PDK2: variants seen among roughly 807,000 people sequenced by gnomAD.
PDK2 encodes pyruvate dehydrogenase kinase, isozyme 2.
In PDK2, 34 loss-of-function variants were observed where a neutral mutation model predicts 50.4. The observed-to-expected ratio is 0.68, with a 90% CI of 0.51 to 0.90. The LOEUF (loss-of-function observed/expected upper bound fraction) is 0.90. Among genes scored for constraint, PDK2 ranks in the 40% least tolerant of loss-of-function variants. The pLI is 0.00. For synonymous variants in PDK2, 232 were observed against 216.0 expected (o/e 1.07, Z -0.65); for missense variants, 377 against 544.5 (o/e 0.69, Z 3.06).
intron 1 of PDK2, 143 bp downstream of exon 1, chr17:50,095,696 A>G: frequency 3.5e-6 from 5 of 1,437,266 alleles, no homozygotes; most frequent in Non-Finnish European, 4.6e-6. Flanking sequence ...GGAAAGAGTT[A>G]ATGGGGAAGC....
chr17:50,104,107 C>T (rs201736595), intron 2 of PDK2, among the ~76,000 whole-genome samples: 1 of 152,160 alleles, frequency 6.6e-6, no homozygotes, highest in South Asian at 2.1e-4. Context: ...CCCAAAGGAA[C>T]AAGCCACAGA....
At chr17:50,103,662 C>T (rs1356277241) in intron 2 of PDK2, among the ~76,000 whole-genome samples, 4 of 152,190 alleles carry the variant, frequency 2.6e-5, no homozygotes, top group Non-Finnish European at 5.9e-5. Flanking sequence ...GGGTCCAGAG[C>T]TGGTTCTTTC....
At chr17:50,106,368 A>G (rs1328520106) in intron 4 of PDK2, 10 of 634,878 alleles carry the variant, frequency 1.6e-5, no homozygotes, top group African/African-American at 3.7e-5. Flanking sequence ...ATGTTCAAAA[A>G]CAATTTGTTG....
chr17:50,098,086 C>T (rs1025246254), intron 2 of PDK2, among the ~76,000 whole-genome samples: 4 of 152,186 alleles, frequency 2.6e-5, no homozygotes, highest in African/African-American at 9.7e-5. Context: ...AAAGACCAAA[C>T]GTTTATTGCG....
intron 4 of PDK2, 38 bp downstream of exon 4, chr17:50,106,107 G>C (rs11237): frequency 1.2e-4 from 180 of 1,559,400 alleles, no homozygotes; most frequent in African/African-American, 2.2e-4. Flanking sequence ...CGGGCGGTGG[G>C]GGGGGCGGTG....
intron 6 of PDK2, 90 bp from the exon 7 acceptor site, chr17:50,108,066 T>A: frequency 9.5e-7 from 1 of 1,054,582 alleles, no homozygotes; most frequent in Non-Finnish European, 1.4e-6. Flanking sequence ...TACTCAGAAC[T>A]TTGTGGGAGG....
chr17:50,095,216 G>A, upstream of PDK2: 2 of 504,786 alleles, frequency 4.0e-6, no homozygotes, highest in Non-Finnish European at 7.0e-6. Context: ...CGGGCCCGGG[G>A]GAAGCCACGT....
Position 50,106,069 on chromosome 17 carries a change from A to G in PDK2, c.517A>G (p.Thr173Ala), listed in dbSNP as rs762258473. Reference sequence around the variant, plus strand: ...CATCCGCATGCTCATCAACCAGCACAGTGGGTGCCGGCCACAGCGGCGGGG... The same window carrying G: ...CATCCGCATGCTCATCAACCAGCACGGTGGGTGCCGGCCACAGCGGCGGGG... ...ISIRMLINQHTLIFDGSTNPA... is the reference protein window; with the variant it reads ...ISIRMLINQHALIFDGSTNPA... Residue 173 changes from threonine to alanine, a missense_variant and splice_region_variant, in exon 4 of 11, where the codon ACC becomes GCC. Transcript: ENST00000503176. 6.3e-7 allele frequency: 1 copy of G among 1,597,818 alleles called. No individual in the cohort carries two copies. Among genetic ancestry groups the G allele is most frequent in the African/African-American group, 1.3e-5 (1 of 74,746 alleles).
At position 50,105,454 on chromosome 17, in the gene PDK2, C is replaced by A. The variant is rs776607192; in HGVS notation, c.332+12C>A. The A allele has an allele frequency of 4.3e-6, 7 of 1,611,618 alleles. No individual in the cohort carries two copies. In the African/African-American group the frequency reaches 9.4e-5, roughly 22 times the overall value. ...CGCACCCTGAGCCAGTGAGTGGGGG[C>A]CCTGGGTGGGGCAGGAAGGCAGGTG... On this transcript the variant is annotated intron_variant, in intron 3 of 10. Coordinates refer to ENST00000503176, the MANE Select transcript of PDK2 (RefSeq NM_002611.5).
At chr17:50,105,746 G>A in intron 3 of PDK2, 139 bp from the exon 4 acceptor site, 1 of 1,214,688 alleles carries the variant, frequency 8.2e-7, no homozygotes, top group Non-Finnish European at 1.1e-6. Context: ...ATCAGAGTGG[G>A]CTTTGGGAGG....
At chr17:50,097,597 A>G in intron 2 of PDK2, 33 bp downstream of exon 2, 22 of 1,605,390 alleles carry the variant, frequency 1.4e-5, no homozygotes, top group Non-Finnish European at 1.9e-5. Flanking sequence ...TGCACCTCCC[A>G]CTCCATCGCC....
At position 50,108,704 on chromosome 17, in the gene PDK2, C is replaced by T. The variant is rs746714356; in HGVS notation, c.954C>T (p.Thr318=). The change falls in exon 9 of 11, where the codon ACC becomes ACT. Residue 318 remains threonine (T), a synonymous_variant. Transcript: ENST00000503176. ...YSTAPTPQPG[T]GGTPLAGFGY... is the part of the protein sequence containing the mutation. Reference sequence around the variant, plus strand: ...CAGCACCCACCCCCCAGCCTGGCACCGGGGGAACGCCGCTGGTGAGATGGC... The same window carrying T: ...CAGCACCCACCCCCCAGCCTGGCACTGGGGGAACGCCGCTGGTGAGATGGC... 9.3e-6 allele frequency: 15 copies of T among 1,609,740 alleles called. No individual in the cohort carries two copies. The highest frequency in any genetic ancestry group is 5.0e-5 in the Admixed American group (3 of 59,724).
At chr17:50,094,883 C>G (rs1362063478), upstream of PDK2, 1 of 130,564 alleles carries the variant, frequency 7.7e-6, no homozygotes, top group Non-Finnish European at 1.7e-5. Context: ...CCCCAAGACC[C>G]GTTAAGGGAG....
At position 50,110,321 on chromosome 17, in the gene PDK2, C is replaced by T. The variant is rs184387374; in HGVS notation, c.*224C>T. 13 of 439,050 alleles carry T rather than the reference C, an allele frequency of 3.0e-5. No individual in the cohort carries two copies. In the East Asian group the frequency reaches 4.6e-4, roughly 16 times the overall value. 27.2% of individuals were successfully genotyped at this position (439,050 alleles called of 1,614,324 possible). A position where few individuals can be genotyped will look rare whatever the true frequency, so the allele number is the denominator to read the frequency against. Reference sequence around the variant, plus strand: ...GGCCTCCCTATCTCTGTGGGCGATGCCTGAGGGTTAGGGATGTCTCCACCC... The same window carrying T: ...GGCCTCCCTATCTCTGTGGGCGATGTCTGAGGGTTAGGGATGTCTCCACCC... On this transcript the variant is annotated 3_prime_UTR_variant, in exon 11 of 11. Coordinates refer to ENST00000503176, the MANE Select transcript of PDK2 (RefSeq NM_002611.5).
intron 2 of PDK2, among the ~76,000 whole-genome samples, chr17:50,105,097 A>G (rs1238607799): frequency 6.6e-6 from 1 of 152,164 alleles, no homozygotes; most frequent in Non-Finnish European, 1.5e-5. Flanking sequence ...GATCATCTCC[A>G]AGCCCCTTCT....
At position 50,108,733 on chromosome 17, in the gene PDK2, A is replaced by G; in HGVS notation, c.969+14A>G. 3 of 1,528,594 alleles carry G rather than the reference A, an allele frequency of 2.0e-6. No individual in the cohort carries two copies. Among genetic ancestry groups the G allele is most frequent in the Non-Finnish European group, 2.7e-6 (3 of 1,114,032 alleles). The allele number at this position is 1,528,594 out of a possible 1,614,324, so 94.7% of individuals were successfully genotyped here. A position where few individuals can be genotyped will look rare whatever the true frequency, so the allele number is the denominator to read the frequency against. ...GGAACGCCGCTGGTGAGATGGCTTC[A>G]CCCCAGCCCCTCCCACCTCCTGAGG... On this transcript the variant is annotated intron_variant, in intron 9 of 10. Transcript: ENST00000503176.
intron 1 of PDK2, among the ~76,000 whole-genome samples, chr17:50,096,771 G>C (rs1479034691): frequency 6.6e-6 from 1 of 152,220 alleles, no homozygotes; most frequent in Non-Finnish European, 1.5e-5. Context: ...TGACAGAGTT[G>C]GAAGCAGAGC....
rs1482201795 is a variant in PDK2 at position 50,101,402 on chromosome 17, G to A, written c.260+3838G>A. The stretch of plus-strand genomic sequence containing the variant: ...TTGCAAATGGGGACCCGAGGGACTC[G>A]GTGGCCTCTTTAGGGCACAATCAGC... On this transcript the variant is annotated intron_variant, in intron 2 of 10. Coordinates refer to ENST00000503176, the MANE Select transcript of PDK2 (RefSeq NM_002611.5). The surrounding 1 kb of genome is among the most constrained non-coding windows in gnomAD (Gnocchi z 4.2). Among the ~76,000 whole-genome samples the A allele has an allele frequency of 2.6e-5, 4 of 152,120 alleles. No individual in the cohort carries two copies. The highest frequency in any genetic ancestry group is 2.9e-5 in the Non-Finnish European group (2 of 68,008).
At chr17:50,102,073 C>T (rs1910261227) in intron 2 of PDK2, among the ~76,000 whole-genome samples, 1 of 152,192 alleles carries the variant, frequency 6.6e-6, no homozygotes, top group Non-Finnish European at 1.5e-5. Flanking sequence ...AAGGGGTGGG[C>T]AGCCCAGAGG....
Sources: allele counts gnomAD v4.1 joint callset (sites outside exome capture counted in the v4.1 genomes callset), GRCh38; gene constraint gnomAD v4.1.1; non-coding constraint Gnocchi (gnomAD v3.1); transcripts MANE v1.5; gene names NCBI Gene and HGNC (gene_info 2026-07-23, HGNC 2026-07-21).